TRAPPC9: variants seen among roughly 807,000 people sequenced by gnomAD.
TRAPPC9 encodes the protein trafficking protein particle complex subunit 9.
In TRAPPC9, 83 loss-of-function variants were observed where a neutral mutation model predicts 124.0. The ratio of observed to expected loss-of-function variants is 0.67; its 90% CI spans 0.56 to 0.80. TRAPPC9 has a LOEUF of 0.80. TRAPPC9 is among the 30% of genes least tolerant of loss of function. The pLI, the probability that TRAPPC9 is intolerant of heterozygous loss-of-function variation, is 0.00. For missense variants in TRAPPC9, 1,302 were observed against 1,508.3 expected (o/e 0.86, Z 2.27); for synonymous variants, 638 against 617.5 (o/e 1.03, Z -0.49).
chr8:139,845,463 C>A (rs970371452), intron 21 of TRAPPC9, among the ~76,000 whole-genome samples: 8 of 152,234 alleles, frequency 5.3e-5, no homozygotes, highest in African/African-American at 1.4e-4. Flanking sequence ...AAGAATGGAA[C>A]CCCAATATTT....
chr8:139,796,134 AAGG>A (rs1281005853), intron 21 of TRAPPC9, among the ~76,000 whole-genome samples: 1 of 123,798 alleles, frequency 8.1e-6, no homozygotes, highest in African/African-American at 3.0e-5. Flanking sequence ...GGAAGAGGAG[AAGG>A]AGGAGGAAGA....
intron 1 of TRAPPC9, 21 bp downstream of exon 1, chr8:140,457,618 G>GC (rs895264979): frequency 1.8e-5 from 18 of 985,712 alleles, no homozygotes; most frequent in South Asian, 1.4e-4. Flanking sequence ...CTGACCGGGA[G>GC]CCCCCCCGCT....
intron 17 of TRAPPC9, among the ~76,000 whole-genome samples, chr8:140,155,116 G>A (rs1043484334): frequency 1.1e-4 from 16 of 152,212 alleles, no homozygotes; most frequent in Non-Finnish European, 1.3e-4. Context: ...AGGGATGGGT[G>A]GATTCTGGGG....
At chr8:139,879,633 C>A (rs912571498) in intron 21 of TRAPPC9, among the ~76,000 whole-genome samples, 5 of 152,362 alleles carry the variant, frequency 3.3e-5, no homozygotes, top group African/African-American at 9.6e-5. Context: ...CCGGCCCCCG[C>A]AGGCTCTCCC....
chr8:140,458,378 T>TCACGGTACCCCCC (rs1564040874), upstream of TRAPPC9: 3 of 1,597,698 alleles, frequency 1.9e-6, no homozygotes, highest in Middle Eastern at 1.7e-4. Flanking sequence ...CGGCACCCCC[T>TCACGGTACCCCCC]GTGACCCTCA....
intron 10 of TRAPPC9, 25 bp from the exon 11 acceptor site, chr8:140,300,639 T>TA: frequency 6.2e-7 from 1 of 1,614,146 alleles, no homozygotes; most frequent in South Asian, 1.1e-5. Flanking sequence ...AGAACACAAA[T>TA]ACTTCAACTG....
intron 9 of TRAPPC9, among the ~76,000 whole-genome samples, chr8:140,312,718 T>C (rs1271583027): frequency 6.6e-6 from 1 of 151,658 alleles, no homozygotes; most frequent in African/African-American, 2.4e-5. Context: ...ACTGCTACCA[T>C]AGGAATTTTC....
intron 16 of TRAPPC9, among the ~76,000 whole-genome samples, chr8:140,240,365 G>A (rs1386551399): frequency 6.6e-6 from 1 of 152,096 alleles, no homozygotes; most frequent in Non-Finnish European, 1.5e-5. Flanking sequence ...GTGCGCAGGG[G>A]CTCCGAGGGG....
chr8:140,051,660 T>G (rs1842016018), intron 17 of TRAPPC9, among the ~76,000 whole-genome samples: 1 of 148,726 alleles, frequency 6.7e-6, no homozygotes, highest in South Asian at 2.1e-4. Context: ...ATGGAAAAAT[T>G]TGTTCTCTAG....
chr8:140,230,905 G>C (rs1389870041), intron 16 of TRAPPC9, among the ~76,000 whole-genome samples: 1 of 152,222 alleles, frequency 6.6e-6, no homozygotes, highest in African/African-American at 2.4e-5. Context: ...ATCATCAAGA[G>C]AAGTGGAAAC....
At chr8:140,190,899 T>C (rs892639145) in intron 17 of TRAPPC9, among the ~76,000 whole-genome samples, 3 of 152,228 alleles carry the variant, frequency 2.0e-5, no homozygotes, top group Non-Finnish European at 4.4e-5. Flanking sequence ...AGCGTGTTTT[T>C]GCTGCCACCA....
At chr8:140,180,187 T>C (rs2062166135) in intron 17 of TRAPPC9, among the ~76,000 whole-genome samples, 2 of 152,044 alleles carry the variant, frequency 1.3e-5, no homozygotes, top group South Asian at 4.1e-4. Flanking sequence ...TTTAGGATTC[T>C]ATTTTATATA....
At chr8:140,121,207 G>A (rs535567821) in intron 17 of TRAPPC9, among the ~76,000 whole-genome samples, 12 of 152,354 alleles carry the variant, frequency 7.9e-5, no homozygotes, top group African/African-American at 2.2e-4. Context: ...AAATTTAAGT[G>A]AGGAAGGGGA....
At chr8:140,234,785 A>C (rs889795351) in intron 16 of TRAPPC9, among the ~76,000 whole-genome samples, 1 of 152,242 alleles carries the variant, frequency 6.6e-6, no homozygotes, top group Non-Finnish European at 1.5e-5. Flanking sequence ...TGTGCCACAC[A>C]ATACTACACA....
intron 11 of TRAPPC9, among the ~76,000 whole-genome samples, chr8:140,299,356 G>A (rs980993688): frequency 1.3e-5 from 2 of 152,352 alleles, no homozygotes; most frequent in South Asian, 2.1e-4. Context: ...GGGTGAGCTT[G>A]CGAGTGCAAC....
At chr8:139,960,019 GAGC>G (rs1403933713) in intron 19 of TRAPPC9, among the ~76,000 whole-genome samples, 2 of 152,240 alleles carry the variant, frequency 1.3e-5, no homozygotes, top group Non-Finnish European at 2.9e-5. Context: ...TCAGATGCTT[GAGC>G]AGACACTTTA....
chr8:139,866,214 TA>T (rs2085839206), intron 21 of TRAPPC9, among the ~76,000 whole-genome samples: 1 of 152,210 alleles, frequency 6.6e-6, no homozygotes, highest in African/African-American at 2.4e-5. Context: ...TTATCAGACC[TA>T]AATGTGTTGA....
intron 18 of TRAPPC9, among the ~76,000 whole-genome samples, chr8:139,990,098 G>A (rs1458992730): frequency 6.6e-6 from 1 of 152,118 alleles, no homozygotes; most frequent in Non-Finnish European, 1.5e-5. Flanking sequence ...TTCAAAACAT[G>A]GCCTTCCAAA....
intron 14 of TRAPPC9, among the ~76,000 whole-genome samples, chr8:140,278,527 G>A (rs966513298): frequency 3.3e-5 from 5 of 152,286 alleles, no homozygotes; most frequent in Admixed American, 1.3e-4. Flanking sequence ...ACCACTGTGC[G>A]ACACAGAAAA....
Sources: allele counts gnomAD v4.1 joint callset (sites outside exome capture counted in the v4.1 genomes callset), GRCh38; gene constraint gnomAD v4.1.1; transcripts MANE v1.5; gene names NCBI Gene and HGNC (gene_info 2026-07-23, HGNC 2026-07-21).